Variants in SLC44A1 observed in about 807,000 individuals in gnomAD.
The protein encoded by SLC44A1 is solute carrier family 44 member 1.
In SLC44A1, 26 loss-of-function variants were observed where a neutral mutation model predicts 79.3. That is an observed-to-expected ratio of 0.33 (90% CI 0.24 to 0.46). The LOEUF (loss-of-function observed/expected upper bound fraction) is 0.46. Among genes scored for constraint, SLC44A1 ranks in the 20% least tolerant of loss-of-function variants. The pLI is 1.00. For missense variants in SLC44A1, 688 were observed against 798.1 expected (o/e 0.86, Z 1.66); for synonymous variants, 263 against 286.2 (o/e 0.92, Z 0.82).
chr9:105,389,541 A>G lies in SLC44A1; in HGVS notation c.*485A>G, dbSNP rs1165771291. The G allele has an allele frequency of 3.7e-6, 4 of 1,074,828 alleles. No homozygotes were observed. The highest frequency in any genetic ancestry group is 6.6e-5 in the East Asian group (1 of 15,200). The allele number at this position is 1,074,828 out of a possible 1,614,324, so 66.6% of individuals were successfully genotyped here. A position where few individuals can be genotyped will look rare whatever the true frequency, so the allele number is the denominator to read the frequency against. ...GTCAAGACTAGGCATATGCTTTCAG[A>G]TAAATAAGGAATTACTCCAATCAGT... On this transcript the variant is annotated 3_prime_UTR_variant, in exon 16 of 16. Transcript: ENST00000374720.
chr9:105,382,785 GTT>G (rs945710317), intron 13 of SLC44A1, among the ~76,000 whole-genome samples: 9 of 152,026 alleles, frequency 5.9e-5, no homozygotes, highest in African/African-American at 1.9e-4. Flanking sequence ...AGTGCTAAGA[GTT>G]TGTAAATTTT....
At chr9:105,281,987 T>C (rs191510018) in intron 1 of SLC44A1, among the ~76,000 whole-genome samples, 1 of 152,312 alleles carries the variant, frequency 6.6e-6, no homozygotes, top group African/African-American at 2.4e-5. Flanking sequence ...ATAGTTACTT[T>C]TGTGGGATTA....
chr9:105,304,437 A>G (rs186384980), intron 2 of SLC44A1, among the ~76,000 whole-genome samples: 11 of 152,308 alleles, frequency 7.2e-5, no homozygotes, highest in Admixed American at 2.0e-4. Flanking sequence ...TTATTAATGT[A>G]CCTAACATAG....
intron 12 of SLC44A1, among the ~76,000 whole-genome samples, chr9:105,371,503 TTG>T (rs1475160903): frequency 8.5e-6 from 1 of 117,872 alleles, no homozygotes; most frequent in African/African-American, 5.3e-5. Flanking sequence ...CAAGGAGGCC[TTG>T]TGGATCACAA....
At position 105,384,468 on chromosome 9, in the gene SLC44A1, T is replaced by G. The variant is rs571038424; in HGVS notation, c.1870-954T>G. Among the ~76,000 whole-genome samples, 8 of 152,208 alleles carry G rather than the reference T, an allele frequency of 5.3e-5. 1 individual carries two copies. Among genetic ancestry groups the G allele is most frequent in the African/African-American group, 1.9e-4 (8 of 41,544 alleles). The stretch of plus-strand genomic sequence containing the variant: ...AATGCTGGGATTACAGGTGTGAGCC[T>G]CCATGCCCAGCCTAGATTTTTTTTT... On this transcript the variant is annotated intron_variant, in intron 14 of 15. Coordinates refer to ENST00000374720, the MANE Select transcript of SLC44A1 (RefSeq NM_080546.5).
chr9:105,409,052 G>A (rs532007890), intron 15 of SLC44A1, among the ~76,000 whole-genome samples: 2 of 152,106 alleles, frequency 1.3e-5, no homozygotes, highest in African/African-American at 4.8e-5. Context: ...ATGATATAAA[G>A]GAAATAAACA....
Position 105,389,937 on chromosome 9 carries a change from A to C in SLC44A1, c.*881A>C, listed in dbSNP as rs1288743633. The stretch of plus-strand genomic sequence containing the variant: ...ATGCTGGGAGGAATAAAGAAGGGAC[A>C]GAAACATGGAACATAAAGCATTGAA... On this transcript the variant is annotated 3_prime_UTR_variant, in exon 16 of 16. Coordinates refer to ENST00000374720, the MANE Select transcript of SLC44A1 (RefSeq NM_080546.5). 6.6e-7 allele frequency: 1 copy of C among 1,513,466 alleles called. No homozygotes were observed. Among genetic ancestry groups the C allele is most frequent in the Non-Finnish European group, 8.8e-7 (1 of 1,132,248 alleles). 93.8% of individuals were successfully genotyped at this position (1,513,466 alleles called of 1,614,324 possible).
intron 1 of SLC44A1, among the ~76,000 whole-genome samples, chr9:105,258,788 A>G (rs1040825040): frequency 6.6e-6 from 1 of 152,070 alleles, no homozygotes; most frequent in African/African-American, 2.4e-5. Context: ...CCCGGATTCA[A>G]GGGATTCTCA....
At chr9:105,327,967 C>G (rs984267224) in intron 3 of SLC44A1, among the ~76,000 whole-genome samples, 1 of 151,980 alleles carries the variant, frequency 6.6e-6, no homozygotes, top group African/African-American at 2.4e-5. Flanking sequence ...CTTATTTAGG[C>G]CTACACCTGG....
Position 105,385,442 on chromosome 9 carries a change from G to A in SLC44A1, c.1890G>A (p.Arg630=). The change falls in exon 15 of 16, where the codon AGG becomes AGA. Residue 630 remains arginine (R), a synonymous_variant. Transcript: ENST00000374720. ...KVLMEFVENS[R]KAMKEAGKGG... ...TGCAGGAGTTTGTGGAAAACAGTAG[G>A]AAAGCAATGAAAGAAGCTGGTAAGG... 2 of 1,585,760 alleles carry A rather than the reference G, an allele frequency of 1.3e-6. No homozygotes were observed. Among genetic ancestry groups the A allele is most frequent in the Non-Finnish European group, 1.7e-6 (2 of 1,165,558 alleles).
intron 15 of SLC44A1, among the ~76,000 whole-genome samples, chr9:105,430,631 T>G (rs1241714593): frequency 6.6e-6 from 1 of 152,264 alleles, no homozygotes; most frequent in Non-Finnish European, 1.5e-5. Flanking sequence ...AATAATGTTC[T>G]GATGTGTGAT....
intron 1 of SLC44A1, among the ~76,000 whole-genome samples, chr9:105,256,025 T>C (rs1301764048): frequency 1.3e-5 from 2 of 152,172 alleles, no homozygotes; most frequent in African/African-American, 4.8e-5. Flanking sequence ...ATTTTATTTT[T>C]ATTTTTGAGA....
chr9:105,322,110 C>T (rs999902856), intron 3 of SLC44A1, among the ~76,000 whole-genome samples: 1 of 152,132 alleles, frequency 6.6e-6, no homozygotes, highest in Non-Finnish European at 1.5e-5. Flanking sequence ...TCAGGAGGCA[C>T]ACCGTGGAAG....
In SLC44A1 at chr9:105,396,110, AC is replaced by A; in HGVS notation, c.*7055del. ...AGAGATGATCACATGGGGACAGTTA[AC>A]TTTTCTTCTGCTGTGTTGCCTTAAT... On this transcript the variant is annotated 3_prime_UTR_variant, in exon 16 of 16. Coordinates refer to ENST00000374720, the MANE Select transcript of SLC44A1 (RefSeq NM_080546.5). 1.0e-6 allele frequency: 1 copy of A among 985,278 alleles called. No individual in the cohort carries two copies. Among genetic ancestry groups the A allele is most frequent in the Non-Finnish European group, 1.2e-6 (1 of 829,924 alleles). 61.0% of individuals were successfully genotyped at this position (985,278 alleles called of 1,614,324 possible).
chr9:105,436,909 G>A (rs750256179), intron 15 of SLC44A1, among the ~76,000 whole-genome samples: 4 of 152,148 alleles, frequency 2.6e-5, no homozygotes, highest in African/African-American at 4.8e-5. Context: ...CTCTTGTGGA[G>A]ACAGATGTAT....
At chr9:105,256,059 G>A (rs1195275007) in intron 1 of SLC44A1, among the ~76,000 whole-genome samples, 3 of 152,038 alleles carry the variant, frequency 2.0e-5, no homozygotes, top group African/African-American at 2.4e-5. Context: ...TGTCACCCTG[G>A]CTGGAGTGCA....
intron 15 of SLC44A1, among the ~76,000 whole-genome samples, chr9:105,422,767 G>A (rs944881269): frequency 2.0e-5 from 3 of 152,150 alleles, no homozygotes; most frequent in East Asian, 1.9e-4. Flanking sequence ...TCTGGTTTGC[G>A]TGAAGTTGAA....
chr9:105,378,188 G>T (rs1042369408), intron 13 of SLC44A1, among the ~76,000 whole-genome samples: 5 of 152,216 alleles, frequency 3.3e-5, no homozygotes, highest in Non-Finnish European at 7.3e-5. Context: ...GGTGGAGGTT[G>T]CAGTGAGCTG....
At chr9:105,403,891 A>G (rs1828990879) in intron 15 of SLC44A1, among the ~76,000 whole-genome samples, 1 of 151,716 alleles carries the variant, frequency 6.6e-6, no homozygotes, top group South Asian at 2.1e-4. Flanking sequence ...AGGGTCTTGC[A>G]GGCCACCCTA....
Sources: allele counts gnomAD v4.1 joint callset (sites outside exome capture counted in the v4.1 genomes callset), GRCh38; gene constraint gnomAD v4.1.1; transcripts MANE v1.5; gene names NCBI Gene and HGNC (gene_info 2026-07-23, HGNC 2026-07-21).